C1orf141: variants seen among roughly 807,000 people sequenced by gnomAD.
C1orf141 encodes the protein chromosome 1 open reading frame 141.
C1orf141 carries 19 observed loss-of-function variants against 23.2 expected under a neutral mutation model. That is an observed-to-expected ratio of 0.82 (90% confidence interval 0.57 to 1.20). The LOEUF is 1.20. Ranked by LOEUF, C1orf141 falls within the 50% of genes most tolerant of loss-of-function variation. The probability of loss-of-function intolerance (pLI) is 0.00; values close to 1 mark genes in which losing one functional copy is unlikely to be tolerated. For missense variants in C1orf141, 469 were observed against 455.1 expected (o/e 1.03, Z -0.28); for synonymous variants, 153 against 154.6 (o/e 0.99, Z 0.08).
chr1:67,110,016 G>A (rs760561494), intron 5 of C1orf141, among the ~76,000 whole-genome samples: 2 of 151,958 alleles, frequency 1.3e-5, no homozygotes, highest in Non-Finnish European at 2.9e-5. Context: ...TTATTACAGA[G>A]ACATTACTAT....
Position 67,125,764 on chromosome 1 carries a change from G to T in C1orf141, c.221C>A (p.Thr74Lys). The T allele has an allele frequency of 6.2e-7, 1 of 1,613,588 alleles. No homozygotes were observed. Among genetic ancestry groups the T allele is most frequent in the East Asian group, 2.2e-5 (1 of 44,872 alleles). Residue 74 changes from threonine (T) to lysine (K), a missense_variant, in exon 4 of 8, where the codon ACA becomes AAA. Coordinates refer to ENST00000684719, the MANE Select transcript of C1orf141 (RefSeq NM_001276351.2). ...KIKEDKSCSI[T>K]KSKMHVSFKC... The stretch of plus-strand genomic sequence containing the variant: ...TTATGATAGTTACATTTTTGATTTT[G>T]TAATGCTGCATGACTTGTCTTCTTT...
At chr1:67,103,216 T>C (rs1162744032) in intron 5 of C1orf141, 15 of 1,328,810 alleles carry the variant, frequency 1.1e-5, no homozygotes, top group East Asian at 2.6e-5. Flanking sequence ...GTTATTTCAA[T>C]GTAAACATGC....
At chr1:67,107,684 T>C (rs1645962598) in intron 5 of C1orf141, among the ~76,000 whole-genome samples, 1 of 151,878 alleles carries the variant, frequency 6.6e-6, no homozygotes, top group African/African-American at 2.4e-5. Context: ...AGGTGGGGAG[T>C]TCGAGACCAG....
chr1:67,132,781 GTAT>G (rs1330015598), intron 1 of C1orf141, among the ~76,000 whole-genome samples: 1 of 152,190 alleles, frequency 6.6e-6, no homozygotes, highest in Non-Finnish European at 1.5e-5. Context: ...AAAGTTGAGT[GTAT>G]TATTATAAAA....
At chr1:67,102,307 CGTGTGTGTGTGT>C (rs57508145) in intron 5 of C1orf141, among the ~76,000 whole-genome samples, 16 of 139,684 alleles carry the variant, frequency 1.1e-4, no homozygotes, top group Admixed American at 6.5e-4. Context: ...TCTTCTGCTC[CGTGTGTGTGTGT>C]GTGTGTGTGT....
intron 2 of C1orf141, 122 bp downstream of exon 2, chr1:67,131,020 C>G (rs1043217579): frequency 6.6e-6 from 1 of 152,222 alleles, no homozygotes; most frequent in Non-Finnish European, 1.5e-5. Context: ...ATGCTGAGAG[C>G]AAAGGAACAT....
At chr1:67,139,958 A>G (rs1646620666), upstream of C1orf141, among the ~76,000 whole-genome samples, 1 of 152,158 alleles carries the variant, frequency 6.6e-6, no homozygotes, top group Admixed American at 6.5e-5. Context: ...TGGTTTTATA[A>G]GAAAAGGAAG....
rs144913385 is a variant in C1orf141, at chr1:67,113,295, A to G, written c.346+2057T>C. On this transcript the variant is annotated intron_variant, in intron 5 of 7. Transcript: ENST00000684719. ...CTGCCTGGTTGAAGATGCAATTTAA[A>G]TGAAGGCCAGGGAGGTAGGGAATGA... 3.2e-4 allele frequency among the ~76,000 whole-genome samples: 48 copies of G among 152,162 alleles called. No homozygotes were observed. In the East Asian group the frequency reaches 4.1e-3, roughly 13 times the overall value.
At chr1:67,108,274 G>A (rs1162558920) in intron 5 of C1orf141, among the ~76,000 whole-genome samples, 3 of 152,132 alleles carry the variant, frequency 2.0e-5, no homozygotes, top group Admixed American at 6.6e-5. Flanking sequence ...GCTCGCTCTC[G>A]GATTCATAGG....
At chr1:67,102,774 A>G (rs1645833915) in intron 5 of C1orf141, 1 of 152,178 alleles carries the variant, frequency 6.6e-6, no homozygotes. Flanking sequence ...TGTCAAATAG[A>G]TGCATGGAAC....
At chr1:67,112,171 C>T (rs148866330) in intron 5 of C1orf141, among the ~76,000 whole-genome samples, 1,600 of 152,282 alleles carry the variant, frequency 0.011, 20 homozygotes, top group African/African-American at 0.036. Flanking sequence ...AGTTACTTAA[C>T]ATCTGTGAGT....
chr1:67,131,597 C>T (rs1386969240), intron 1 of C1orf141, among the ~76,000 whole-genome samples: 1 of 152,028 alleles, frequency 6.6e-6, no homozygotes, highest in Non-Finnish European at 1.5e-5. Context: ...CTCAGCCCAC[C>T]TTTCTAGTTT....
intron 5 of C1orf141, among the ~76,000 whole-genome samples, chr1:67,106,270 T>G (rs1444907298): frequency 2.0e-5 from 3 of 152,032 alleles, no homozygotes; most frequent in South Asian, 2.1e-4. Context: ...AGACCTAGTG[T>G]TAACATAAAA....
chr1:67,115,716 C>T (rs1646180697), intron 4 of C1orf141, among the ~76,000 whole-genome samples: 1 of 152,140 alleles, frequency 6.6e-6, no homozygotes, highest in Non-Finnish European at 1.5e-5. Flanking sequence ...CTCCAAGAAA[C>T]TTATTCACAA....
At chr1:67,115,282 G>A (rs1036356572) in intron 5 of C1orf141, 70 bp downstream of exon 5, 10 of 634,424 alleles carry the variant, frequency 1.6e-5, no homozygotes, top group South Asian at 9.7e-5. Context: ...GACACACATC[G>A]GTAAATAATA....
At chr1:67,135,906 C>CAAAAAAA (rs59519661), upstream of C1orf141, among the ~76,000 whole-genome samples, 267 of 62,564 alleles carry the variant, frequency 4.3e-3, 20 homozygotes, top group East Asian at 6.2e-3. Flanking sequence ...GGCAAAACTG[C>CAAAAAAA]AAAAAAAAAA....
intron 1 of C1orf141, among the ~76,000 whole-genome samples, chr1:67,134,270 C>T (rs1646560160): frequency 6.6e-6 from 1 of 152,216 alleles, no homozygotes; most frequent in Non-Finnish European, 1.5e-5. Context: ...TCCCAAAGTG[C>T]TGGGATTACA....
chr1:67,123,931 T>C (rs1003399557), intron 4 of C1orf141: 3 of 152,240 alleles, frequency 2.0e-5, no homozygotes, highest in Non-Finnish European at 4.4e-5. Flanking sequence ...TTTCTTCACT[T>C]GGTCTCTGCC....
intron 1 of C1orf141, among the ~76,000 whole-genome samples, chr1:67,140,319 TAAACTTGG>T (rs1646624998): frequency 6.6e-6 from 1 of 152,180 alleles, no homozygotes; most frequent in African/African-American, 2.4e-5. Flanking sequence ...TAAGATAGGT[TAAACTTGG>T]AAATGTGTAT....
Sources: allele counts gnomAD v4.1 joint callset (sites outside exome capture counted in the v4.1 genomes callset), GRCh38; gene constraint gnomAD v4.1.1; transcripts MANE v1.5; gene names NCBI Gene and HGNC (gene_info 2026-07-23, HGNC 2026-07-21).